IAH1: variants seen among roughly 807,000 people sequenced by gnomAD.
IAH1 encodes isoamyl acetate-hydrolyzing esterase 1 homolog.
In IAH1, 24 loss-of-function variants were observed where a neutral mutation model predicts 26.7. That is an observed-to-expected ratio of 0.90 (90% CI 0.65 to 1.26). The LOEUF is 1.26. Ranked by LOEUF, IAH1 falls within the 50% of genes most tolerant of loss-of-function variation. The pLI is 0.00. For synonymous variants in IAH1, 140 were observed against 118.5 expected (o/e 1.18, Z -1.18); for missense variants, 300 against 299.9 (o/e 1.00, Z 0.00).
chr2:9,481,345 G>T lies in IAH1; in HGVS notation c.343G>T (p.Val115Leu). 2.5e-6 allele frequency: 4 copies of T among 1,614,186 alleles called. No individual in the cohort carries two copies. Among genetic ancestry groups the T allele is most frequent in the Non-Finnish European group, 3.4e-6 (4 of 1,180,040 alleles). ...GTACGCTGCGAACCTAAAGAGCATG[G>T]TGCAGTACCTGAAGTCCGTGGACAT... ...EEYAANLKSM[V>L]QYLKSVDIPE... is the part of the protein sequence containing the mutation. The change falls in exon 4 of 6, where the codon GTG (valine) becomes TTG (leucine). Residue 115 changes from valine to leucine, a missense_variant. Val to Leu is a conservative substitution (Grantham distance 32). Coordinates refer to ENST00000497473, the MANE Select transcript of IAH1 (RefSeq NM_001039613.3).
intron 4 of IAH1, among the ~76,000 whole-genome samples, chr2:9,481,927 TTGAC>T (rs1381606373): frequency 6.6e-6 from 1 of 152,154 alleles, no homozygotes; most frequent in Admixed American, 6.6e-5. Flanking sequence ...CAATCCACCT[TTGAC>T]TGAAAAACCT....
At chr2:9,505,420 C>A in the IAH1 span, 1 of 1,525,358 alleles carries the variant, frequency 6.6e-7, no homozygotes, top group South Asian at 1.1e-5. Context: ...AATGTATTCC[C>A]ATGCAATGTT....
chr2:9,475,513 T>G (rs1572826851), intron 1 of IAH1, among the ~76,000 whole-genome samples: 1 of 152,160 alleles, frequency 6.6e-6, no homozygotes, highest in Non-Finnish European at 1.5e-5. Flanking sequence ...CTTTTTTTCT[T>G]TTTTTGAGAC....
At chr2:9,489,725 C>CA (rs548548539) in exon 6 of IAH1, 4,792 of 78,146 alleles carry the variant, frequency 0.061, 353 homozygotes, top group African/African-American at 0.13. Context: ...TAGTTGAAGG[C>CA]AAAAAAAAAA....
At chr2:9,475,112 G>A (rs1432417364) in intron 1 of IAH1, 2 of 1,269,078 alleles carry the variant, frequency 1.6e-6, no homozygotes, top group East Asian at 5.7e-5. Context: ...GGCCGTTAGG[G>A]GTTGACCTTG....
chr2:9,499,671 G>A (rs929823269), downstream of IAH1, among the ~76,000 whole-genome samples: 13 of 152,156 alleles, frequency 8.5e-5, no homozygotes, highest in Non-Finnish European at 1.8e-4. Context: ...CAAAGTGCTA[G>A]GATTACAGGT....
intron 1 of IAH1, among the ~76,000 whole-genome samples, chr2:9,475,498 T>C (rs1318329807): frequency 6.6e-6 from 1 of 151,348 alleles, no homozygotes; most frequent in Non-Finnish European, 1.5e-5. Flanking sequence ...CTTTTTTTTT[T>C]TTTTCTTTTT....
intron 2 of IAH1, among the ~76,000 whole-genome samples, chr2:9,477,548 C>T (rs992768453): frequency 2.0e-5 from 3 of 152,092 alleles, no homozygotes; most frequent in Non-Finnish European, 4.4e-5. Flanking sequence ...AACCTACTGC[C>T]TGATGCGAAT....
chr2:9,476,240 C>T (rs1660781235), intron 2 of IAH1, among the ~76,000 whole-genome samples: 1 of 152,248 alleles, frequency 6.6e-6, no homozygotes, highest in African/African-American at 2.4e-5. Context: ...GGGTTGAGCA[C>T]TGATGGCTGG....
rs541931512 is a variant in IAH1, at chr2:9,474,572, G to T, written c.6G>T (p.Ala2=). Residue 2 remains alanine (A), a synonymous_variant, in exon 1 of 6, where the codon GCG becomes GCT. Coordinates refer to ENST00000497473, the MANE Select transcript of IAH1 (RefSeq NM_001039613.3). The surrounding 1 kb of genome is among the most constrained non-coding windows in gnomAD (Gnocchi z 4.3). Reference sequence around the variant, plus strand: ...CCGCCCCGCCCGGCTGCTCCATGGCGCTGTGCGAGGCCGCGGGCTGCGGGA... The same window carrying T: ...CCGCCCCGCCCGGCTGCTCCATGGCTCTGTGCGAGGCCGCGGGCTGCGGGA... M[A]LCEAAGCGSA... The T allele has an allele frequency of 4.4e-5, 66 of 1,503,250 alleles. No individual in the cohort carries two copies. In the African/African-American group the frequency reaches 8.7e-4, roughly 20 times the overall value. 93.1% of individuals were successfully genotyped at this position (1,503,250 alleles called of 1,614,324 possible).
At chr2:9,503,118 C>T in the IAH1 span, among the ~76,000 whole-genome samples, 8 of 123,692 alleles carry the variant, frequency 6.5e-5, no homozygotes, top group African/African-American at 2.6e-4. Context: ...CCAGCCTGGT[C>T]AACAGGGCGA....
chr2:9,497,524 AAAG>A (rs965999959), downstream of IAH1, among the ~76,000 whole-genome samples: 102 of 152,288 alleles, frequency 6.7e-4, no homozygotes, highest in African/African-American at 2.4e-3. Flanking sequence ...GTCATATATA[AAAG>A]AATATCCTAT....
At chr2:9,489,910 T>C (rs1269725442), downstream of IAH1, 1 of 376,702 alleles carries the variant, frequency 2.7e-6, no homozygotes, top group African/African-American at 2.0e-5. Flanking sequence ...CCAGCTGTAT[T>C]TTCTGCTTTT....
downstream of IAH1, among the ~76,000 whole-genome samples, chr2:9,498,205 C>G (rs1011351975): frequency 6.9e-6 from 1 of 145,572 alleles, no homozygotes; most frequent in African/African-American, 2.6e-5. Context: ...AATTTTCTTT[C>G]TTTTTTTTTG....
the IAH1 span, chr2:9,505,128 T>C: frequency 2.9e-3 from 4,740 of 1,608,484 alleles, 62 homozygotes; most frequent in African/African-American, 0.033. Context: ...CATCTTGTTA[T>C]ACCAACTTCC....
Position 9,481,384 on chromosome 2 carries a change from G to C in IAH1, c.382G>C (p.Val128Leu). The C allele has an allele frequency of 1.2e-6, 2 of 1,614,090 alleles. No individual in the cohort carries two copies. Among genetic ancestry groups the C allele is most frequent in the South Asian group, 2.2e-5 (2 of 91,086 alleles). Residue 128 changes from valine (V) to leucine (L), a missense_variant, in exon 4 of 6, where the codon GTC (valine) becomes CTC (leucine). Transcript: ENST00000497473. ...LKSVDIPENR[V>L]ILITPTPLCE... Reference sequence around the variant, plus strand: ...GTCCGTGGACATCCCTGAGAATCGAGTCATTCTCATCACGCCGACCCCACT... The same window carrying C: ...GTCCGTGGACATCCCTGAGAATCGACTCATTCTCATCACGCCGACCCCACT...
chr2:9,490,926 A>G (rs771763856), downstream of IAH1, among the ~76,000 whole-genome samples: 3 of 152,206 alleles, frequency 2.0e-5, no homozygotes, highest in Non-Finnish European at 4.4e-5. Flanking sequence ...CATGCAACTA[A>G]TCGAAGTTCA....
downstream of IAH1, among the ~76,000 whole-genome samples, chr2:9,499,368 A>G (rs936365592): frequency 6.6e-6 from 1 of 152,016 alleles, no homozygotes; most frequent in African/African-American, 2.4e-5. Context: ...GCTTCTTTAA[A>G]GCTTGATTTA....
the IAH1 span, among the ~76,000 whole-genome samples, chr2:9,504,336 T>C: frequency 1.3e-5 from 2 of 151,302 alleles, no homozygotes; most frequent in African/African-American, 4.9e-5. Flanking sequence ...TCCCAGTTAT[T>C]GGGGAGGCTG....
Sources: allele counts gnomAD v4.1 joint callset (sites outside exome capture counted in the v4.1 genomes callset), GRCh38; gene constraint gnomAD v4.1.1; non-coding constraint Gnocchi (gnomAD v3.1); transcripts MANE v1.5; gene names NCBI Gene and HGNC (gene_info 2026-07-23, HGNC 2026-07-21).